Variants in NEK10 observed in about 807,000 individuals in gnomAD.
The protein encoded by NEK10 is serine/threonine-protein kinase Nek10.
Under a neutral mutation model 159.8 loss-of-function variants are expected in NEK10, and 122 were observed. The observed-to-expected ratio is 0.76, with a 90% CI of 0.66 to 0.89. The LOEUF is 0.89. NEK10 is among the 40% of genes least tolerant of loss of function. The probability of loss-of-function intolerance (pLI) is 0.00; values close to 1 mark genes in which losing one functional copy is unlikely to be tolerated. For synonymous variants in NEK10, 466 were observed against 457.1 expected, an observed-to-expected ratio of 1.02 and a Z score of -0.25; for missense variants, 1,342 against 1,323.1, an observed-to-expected ratio of 1.01 and a Z score of -0.22.
intron 23 of NEK10, chr3:27,214,666 G>C (rs1395599560): frequency 2.0e-6 from 1 of 504,722 alleles, no homozygotes; most frequent in Non-Finnish European, 3.7e-6. Flanking sequence ...CCAGGTGCTG[G>C]AGTTTAAAGC....
At chr3:27,121,007 GA>G (rs1296824736) in intron 32 of NEK10, among the ~76,000 whole-genome samples, 1 of 152,120 alleles carries the variant, frequency 6.6e-6, no homozygotes, top group African/African-American at 2.4e-5. Context: ...AATCACTTGA[GA>G]AAACTATTTG....
At chr3:27,363,317 T>C (rs1328839207) in intron 1 of NEK10, among the ~76,000 whole-genome samples, 2 of 152,220 alleles carry the variant, frequency 1.3e-5, no homozygotes, top group African/African-American at 2.4e-5. Context: ...AATAAGTACA[T>C]ATTTCCATCT....
chr3:27,312,258 T>C (rs2044756836), intron 7 of NEK10, 81 bp from the exon 8 acceptor site: 1 of 693,622 alleles, frequency 1.4e-6, no homozygotes, highest in South Asian at 2.2e-5. Flanking sequence ...CTGCAGTTCT[T>C]AAAATAAACT....
chr3:27,203,285 G>A (rs1950204248), intron 23 of NEK10, among the ~76,000 whole-genome samples: 1 of 152,126 alleles, frequency 6.6e-6, no homozygotes, highest in Non-Finnish European at 1.5e-5. Flanking sequence ...GAAAAAAACT[G>A]ACTGATAGAG....
At chr3:27,338,180 A>G (rs948352464) in intron 5 of NEK10, among the ~76,000 whole-genome samples, 4 of 152,188 alleles carry the variant, frequency 2.6e-5, no homozygotes, top group Admixed American at 6.5e-5. Context: ...GAGTGAGGAC[A>G]TGCGGTGTTT....
chr3:27,311,081 A>T (rs2044660996), intron 8 of NEK10, 65 bp from the exon 9 acceptor site: 3 of 999,500 alleles, frequency 3.0e-6, no homozygotes, highest in African/African-American at 3.1e-5. Context: ...TTCCAGGAGC[A>T]CAGATCTGCA....
intron 25 of NEK10, among the ~76,000 whole-genome samples, chr3:27,195,483 C>A (rs990117190): frequency 3.9e-5 from 6 of 152,152 alleles, no homozygotes; most frequent in Non-Finnish European, 5.9e-5. Flanking sequence ...TAAACCCAGA[C>A]AATGAGGAGT....
chr3:27,147,096 T>C (rs1169174810), intron 30 of NEK10, among the ~76,000 whole-genome samples: 1 of 152,188 alleles, frequency 6.6e-6, no homozygotes, highest in African/African-American at 2.4e-5. Flanking sequence ...TTTCAGAAAG[T>C]CACAACTTCT....
At chr3:27,301,133 C>T (rs2043790107) in intron 13 of NEK10, among the ~76,000 whole-genome samples, 1 of 152,190 alleles carries the variant, frequency 6.6e-6, no homozygotes, top group African/African-American at 2.4e-5. Flanking sequence ...TCCCAAAGGC[C>T]AGGTGCCCCC....
rs1395991992 is a variant in NEK10, at chr3:27,192,081, T to G, written c.2453A>C (p.Glu818Ala). The G allele has an allele frequency of 1.1e-5, 17 of 1,614,206 alleles. No homozygotes were observed. Among genetic ancestry groups the G allele is most frequent in the Non-Finnish European group, 1.4e-5 (17 of 1,180,028 alleles). The change falls in exon 26 of 36, where the codon GAA becomes GCA. Residue 818 changes from glutamate to alanine, a missense_variant. Transcript: ENST00000691995. Reference sequence around the variant, plus strand: ...ACATGTGACGGTGTTCCGGTTGGCTTCCATAAAATACCTTTGTGTGCGTCT... The same window carrying G: ...ACATGTGACGGTGTTCCGGTTGGCTGCCATAAAATACCTTTGTGTGCGTCT... Reference protein sequence around the residue: ...ERRRTQRYFMEANRNTVTCHH... With the variant: ...ERRRTQRYFMAANRNTVTCHH...
intron 4 of NEK10, 59 bp downstream of exon 4, chr3:27,346,022 TAAATA>T: frequency 6.6e-7 from 1 of 1,520,002 alleles, no homozygotes; most frequent in Non-Finnish European, 9.0e-7. Flanking sequence ...GGGATAAACT[TAAATA>T]AAACTGTGAG....
At chr3:27,270,072 G>C (rs2041212545) in intron 22 of NEK10, among the ~76,000 whole-genome samples, 1 of 152,160 alleles carries the variant, frequency 6.6e-6, no homozygotes, top group South Asian at 2.1e-4. Flanking sequence ...GTGTGGATGA[G>C]ACTTGGTAAC....
chr3:27,116,802 AT>A lies in NEK10; in HGVS notation c.3191-676del, dbSNP rs548439091. ...AGCATGTGCCACCATGGCTGGCCAG[AT>A]TTTTTTTTTTAATTTAATTTAATTT... On this transcript the variant is annotated intron_variant, in intron 33 of 35. Coordinates refer to ENST00000691995, the MANE Select transcript of NEK10 (RefSeq NM_001394966.1). Among the ~76,000 whole-genome samples, 1,157 of 147,776 alleles carry A rather than the reference AT, an allele frequency of 7.8e-3. 9 individuals are homozygous for A. Among genetic ancestry groups the A allele is most frequent in the African/African-American group, 0.019 (787 of 40,516 alleles).
chr3:27,301,567 G>T, intron 13 of NEK10, 129 bp downstream of exon 13: 1 of 675,620 alleles, frequency 1.5e-6, no homozygotes, highest in Non-Finnish European at 2.5e-6. Flanking sequence ...TGGCATCCAT[G>T]TGGATTTCAC....
At chr3:27,184,799 T>C (rs1306826728) in intron 26 of NEK10, among the ~76,000 whole-genome samples, 1 of 152,206 alleles carries the variant, frequency 6.6e-6, no homozygotes, top group Non-Finnish European at 1.5e-5. Flanking sequence ...CACAAAAATA[T>C]TGTCCTTTAA....
chr3:27,181,528 G>C (rs779002484), intron 26 of NEK10, among the ~76,000 whole-genome samples: 2 of 151,974 alleles, frequency 1.3e-5, no homozygotes, highest in Non-Finnish European at 2.9e-5. Flanking sequence ...ATGTATAAGT[G>C]GATTCATGCA....
chr3:27,168,321 T>A (rs1200619138), intron 29 of NEK10, among the ~76,000 whole-genome samples: 1 of 152,134 alleles, frequency 6.6e-6, no homozygotes. Flanking sequence ...TATTCTATTA[T>A]GTAGCTTTGC....
chr3:27,277,084 A>AT (rs201145567), intron 22 of NEK10, among the ~76,000 whole-genome samples: 22 of 151,642 alleles, frequency 1.5e-4, no homozygotes, highest in East Asian at 5.8e-4. Context: ...GGAGAAGACA[A>AT]TTTTTTTTTC....
chr3:27,139,524 G>A (rs558468981), intron 31 of NEK10, among the ~76,000 whole-genome samples: 31 of 152,250 alleles, frequency 2.0e-4, no homozygotes, highest in African/African-American at 7.0e-4. Context: ...GCAACCCAGA[G>A]AACATGTACA....
Sources: gnomAD v4.1 joint callset for allele counts (sites outside exome capture counted in the v4.1 genomes callset) on GRCh38, gnomAD v4.1.1 for gene constraint, MANE v1.5 for transcripts, NCBI Gene and HGNC (gene_info 2026-07-23, HGNC 2026-07-21) for gene names.